The following TAF3 variants were observed in gnomAD, a reference collection of about 807,000 sequenced individuals.
TAF3 encodes TATA-box binding protein associated factor 3.
In TAF3, 7 loss-of-function variants were observed where a neutral mutation model predicts 80.6. The observed-to-expected ratio is 0.09, with a 90% CI of 0.05 to 0.16. The LOEUF (loss-of-function observed/expected upper bound fraction) is 0.16, where lower values mean the gene tolerates loss of function less well. Among genes scored for constraint, TAF3 ranks in the 10% least tolerant of loss-of-function variants. The pLI, the probability that TAF3 is intolerant of heterozygous loss-of-function variation, is 1.00. For synonymous variants in TAF3, 444 were observed against 446.1 expected, an observed-to-expected ratio of 1.00 and a Z score of 0.06; for missense variants, 921 against 1,140.2, an observed-to-expected ratio of 0.81 and a Z score of 2.77.
At chr10:7,939,476 C>T (rs552623963) in intron 2 of TAF3, among the ~76,000 whole-genome samples, 13 of 152,178 alleles carry the variant, frequency 8.5e-5, no homozygotes, top group East Asian at 5.8e-4. Flanking sequence ...CAGCGACTCA[C>T]GCTTAAACAC....
intron 2 of TAF3, among the ~76,000 whole-genome samples, chr10:7,953,853 G>A (rs1251738572): frequency 6.7e-6 from 1 of 149,688 alleles, no homozygotes; most frequent in Admixed American, 6.7e-5. Context: ...ATAGGCAAAT[G>A]AGTGGATTAG....
chr10:7,838,532 C>A (rs969990739), intron 2 of TAF3, among the ~76,000 whole-genome samples: 5 of 152,228 alleles, frequency 3.3e-5, no homozygotes, highest in South Asian at 2.1e-4. Flanking sequence ...CAGGTGTGCA[C>A]CACCACGCCT....
At chr10:7,936,038 A>G (rs1390089943) in intron 2 of TAF3, among the ~76,000 whole-genome samples, 3 of 152,136 alleles carry the variant, frequency 2.0e-5, no homozygotes, top group African/African-American at 2.4e-5. Context: ...GGATAATCTA[A>G]GAGACACGGC....
At chr10:7,878,748 A>G (rs1454469684) in intron 2 of TAF3, among the ~76,000 whole-genome samples, 1 of 148,442 alleles carries the variant, frequency 6.7e-6, no homozygotes, top group African/African-American at 2.6e-5. Flanking sequence ...TATGTATATG[A>G]GACAGAGTCT....
chr10:7,831,083 G>A (rs1300846640), intron 2 of TAF3, among the ~76,000 whole-genome samples: 1 of 152,148 alleles, frequency 6.6e-6, no homozygotes, highest in African/African-American at 2.4e-5. Flanking sequence ...ACAAAGTAAT[G>A]ATAATACTAT....
intron 2 of TAF3, among the ~76,000 whole-genome samples, chr10:7,835,965 T>A (rs957315666): frequency 1.3e-5 from 2 of 152,160 alleles, no homozygotes; most frequent in African/African-American, 4.8e-5. Context: ...TTTTTGCTGC[T>A]TTCATCACTG....
chr10:7,861,775 T>G (rs1837150734), intron 2 of TAF3, among the ~76,000 whole-genome samples: 1 of 149,750 alleles, frequency 6.7e-6, no homozygotes, highest in South Asian at 2.1e-4. Flanking sequence ...TGTGCCTAGG[T>G]GTGGTTTTCT....
intron 2 of TAF3, among the ~76,000 whole-genome samples, chr10:7,913,037 C>G (rs1837672022): frequency 1.3e-5 from 2 of 152,138 alleles, no homozygotes; most frequent in African/African-American, 4.8e-5. Flanking sequence ...GACCTCTTTC[C>G]TCGGCTTGCA....
At chr10:7,876,228 A>T (rs1174838371) in intron 2 of TAF3, among the ~76,000 whole-genome samples, 1 of 152,106 alleles carries the variant, frequency 6.6e-6, no homozygotes, top group Non-Finnish European at 1.5e-5. Context: ...GAAAGACTGG[A>T]TTATTGTTTA....
chr10:7,883,716 C>T (rs188559759), intron 2 of TAF3, among the ~76,000 whole-genome samples: 1 of 152,298 alleles, frequency 6.6e-6, no homozygotes, highest in East Asian at 1.9e-4. Flanking sequence ...CCCCTCCTTC[C>T]CACTTATTTA....
chr10:7,902,971 A>G (rs1255467623), intron 2 of TAF3, among the ~76,000 whole-genome samples: 1 of 152,066 alleles, frequency 6.6e-6, no homozygotes, highest in African/African-American at 2.4e-5. Flanking sequence ...CTATGGTCCC[A>G]GCTAGTTGGG....
At chr10:7,824,877 A>G (rs191494555) in intron 2 of TAF3, among the ~76,000 whole-genome samples, 52 of 152,360 alleles carry the variant, frequency 3.4e-4, no homozygotes, top group African/African-American at 9.4e-4. Flanking sequence ...ATTAGAAAAC[A>G]TTTGAAACAA....
intron 2 of TAF3, among the ~76,000 whole-genome samples, chr10:7,956,781 G>A (rs930951609): frequency 1.5e-4 from 23 of 152,278 alleles, no homozygotes; most frequent in African/African-American, 5.1e-4. Context: ...TCTTACTGTG[G>A]CCATTTCTTA....
intron 3 of TAF3, among the ~76,000 whole-genome samples, chr10:7,976,413 A>AT (rs1220558314): frequency 0.032 from 4,120 of 128,584 alleles, 82 homozygotes; most frequent in Non-Finnish European, 0.047. Flanking sequence ...TGACTGGCTA[A>AT]TTTTTTTTTT....
intron 2 of TAF3, among the ~76,000 whole-genome samples, chr10:7,919,165 A>T (rs987898654): frequency 6.6e-6 from 1 of 152,218 alleles, no homozygotes; most frequent in Non-Finnish European, 1.5e-5. Context: ...TGTAGGAATT[A>T]GAATCCAGTT....
Position 7,977,243 on chromosome 10 carries a change from A to G in TAF3, c.2235A>G (p.Ile745Met), listed in dbSNP as rs531744296. ...KEKEKHKHEKIKVEPVALAPS... is the reference protein window; with the variant it reads ...KEKEKHKHEKMKVEPVALAPS... ...CTTTAATGTGCTAACTTCCACAGATAAAAGTGGAACCAGTCGCTCTGGCCC... is the reference window on the plus strand; with the variant it reads ...CTTTAATGTGCTAACTTCCACAGATGAAAGTGGAACCAGTCGCTCTGGCCC... Residue 745 changes from isoleucine (I) to methionine (M), a missense_variant and splice_region_variant, in exon 4 of 7, where the codon ATA becomes ATG. Ile to Met is a conservative substitution (Grantham distance 10). This residue lies in a region of TAF3 where 743 missense variants were observed against 821.0 expected (regional missense o/e 0.90). Coordinates refer to ENST00000344293, the MANE Select transcript of TAF3 (RefSeq NM_031923.4). 1.9e-6 allele frequency: 3 copies of G among 1,614,166 alleles called. No homozygotes were observed. Among genetic ancestry groups the G allele is most frequent in the African/African-American group, 1.3e-5 (1 of 75,062 alleles).
intron 2 of TAF3, among the ~76,000 whole-genome samples, chr10:7,922,761 T>G (rs1354553893): frequency 1.3e-5 from 2 of 152,090 alleles, no homozygotes; most frequent in African/African-American, 2.4e-5. Flanking sequence ...AAAGGTATTC[T>G]GTTTTCAAGC....
chr10:7,989,758 G>A (rs1272219116), intron 4 of TAF3, among the ~76,000 whole-genome samples: 1 of 152,030 alleles, frequency 6.6e-6, no homozygotes, highest in Non-Finnish European at 1.5e-5. Context: ...TCGGCGTTTG[G>A]TATAAAACCC....
At position 7,983,373 on chromosome 10, in the gene TAF3, A is replaced by G. The variant is rs942049626; in HGVS notation, c.2315+6050A>G. 2.6e-5 allele frequency among the ~76,000 whole-genome samples: 4 copies of G among 152,194 alleles called. No individual in the cohort carries two copies. In the East Asian group the frequency reaches 7.7e-4, roughly 29 times the overall value. ...TTATATGTTTTATTGTAGTTAGGAA[A>G]AGGCTGTCAGTTTTGCATTTTTATA... On this transcript the variant is annotated intron_variant, in intron 4 of 6. Transcript: ENST00000344293.
Sources: allele counts gnomAD v4.1 joint callset (sites outside exome capture counted in the v4.1 genomes callset), GRCh38; gene constraint gnomAD v4.1.1; regional missense constraint gnomAD v4.1.1; transcripts MANE v1.5; gene names NCBI Gene and HGNC (gene_info 2026-07-23, HGNC 2026-07-21).